Variants in MEST observed in about 807,000 individuals in gnomAD.
MEST encodes the protein mesoderm-specific transcript homolog protein.
Under a neutral mutation model 50.9 loss-of-function variants are expected in MEST, and 18 were observed. The ratio of observed to expected loss-of-function variants is 0.35; its 90% CI spans 0.24 to 0.52. MEST has a LOEUF of 0.52. Among genes scored for constraint, MEST ranks in the 20% least tolerant of loss-of-function variants. The probability of loss-of-function intolerance (pLI) is 0.94; values close to 1 mark genes in which losing one functional copy is unlikely to be tolerated. For missense variants in MEST, 282 were observed against 425.3 expected, an observed-to-expected ratio of 0.66 and a Z score of 2.96; for synonymous variants, 130 against 154.1, an observed-to-expected ratio of 0.84 and a Z score of 1.16.
Position 130,503,113 on chromosome 7 carries a change from A to G in MEST, c.826+393A>G, listed in dbSNP as rs555584685. Among the ~76,000 whole-genome samples the G allele has an allele frequency of 1.5e-4, 23 of 152,352 alleles. No individual in the cohort carries two copies. The East Asian group carries it at 4.2e-3, about 28-fold the overall frequency. ...GCATTGTCAGTGACTGCCACATTAC[A>G]TGCTGAATTGCTCGGACAGAAGGCT... On this transcript the variant is annotated intron_variant, in intron 10 of 11. Transcript: ENST00000223215.
Position 130,486,662 on chromosome 7 carries a change from A to G in MEST, c.-2+267A>G, listed in dbSNP as rs73154711. ...AGAGCCTCGGTCGTCGCCTCCCAGC[A>G]CCTCGGGGTCGTAGAGAACACAAAA... On this transcript the variant is annotated intron_variant, in intron 1 of 11. Transcript: ENST00000341441. The G allele has an allele frequency of 6.9e-3, 1,045 of 152,020 alleles. 3 individuals carry two copies. Among genetic ancestry groups the G allele is most frequent in the Non-Finnish European group, 0.011 (732 of 67,982 alleles). 9.4% of individuals were successfully genotyped at this position (152,020 alleles called of 1,614,324 possible).
chr7:130,496,167 C>T (rs1799052155), intron 2 of MEST: 1 of 466,448 alleles, frequency 2.1e-6, no homozygotes, highest in African/African-American at 2.0e-5. Context: ...AACCGTTTTT[C>T]ATTATTGCTC....
intron 2 of MEST, chr7:130,496,418 G>A (rs782738163): frequency 9.7e-6 from 3 of 310,042 alleles, no homozygotes; most frequent in African/African-American, 7.0e-5. Flanking sequence ...ATTTTTAACT[G>A]CTTCTAAATT....
chr7:130,503,008 ATGTG>A (rs1230211923), intron 10 of MEST, among the ~76,000 whole-genome samples: 2 of 152,078 alleles, frequency 1.3e-5, no homozygotes, highest in African/African-American at 2.4e-5. Context: ...TGGAACAGTG[ATGTG>A]TGTGTGTAGA....
chr7:130,488,728 A>G (rs1237743650), upstream of MEST: 7 of 152,220 alleles, frequency 4.6e-5, no homozygotes, highest in African/African-American at 1.7e-4. Flanking sequence ...TCAGTTTGCA[A>G]TTCATTTAGT....
intron 11 of MEST, 120 bp downstream of exon 11, chr7:130,504,116 T>A (rs1799382348): frequency 4.2e-6 from 3 of 709,622 alleles, no homozygotes; most frequent in Non-Finnish European, 7.4e-6. Context: ...TGGCTGTTCA[T>A]CCAGGAAACA....
Position 130,495,446 on chromosome 7 carries a change from G to C in MEST, c.105G>C (p.Gln35His). The C allele has an allele frequency of 6.2e-7, 1 of 1,614,068 alleles. No homozygotes were observed. Among genetic ancestry groups the C allele is most frequent in the Non-Finnish European group, 8.5e-7 (1 of 1,179,990 alleles). ...CGTACCTGCACATCCCACCCCCTCA[G>C]CTCTCCCCTGCCCTTCACTCATGGA... is the stretch of plus-strand genomic sequence containing the variant. ...LAAYLHIPPP[Q>H]LSPALHSWKS... The change falls in exon 2 of 12, where the codon CAG becomes CAC. Residue 35 changes from glutamine (Q) to histidine (H), a missense_variant. Transcript: ENST00000223215.
At chr7:130,491,452 G>A (rs1003999381), upstream of MEST, 3 of 152,342 alleles carry the variant, frequency 2.0e-5, no homozygotes, top group African/African-American at 7.2e-5. This position sits in a 1 kb window ranked among gnomAD's most constrained non-coding sequence, Gnocchi z 6.8. Context: ...TTTGGCCATA[G>A]TGGCCATCCC....
chr7:130,499,238 T>G (rs1436154965), intron 6 of MEST, among the ~76,000 whole-genome samples: 3 of 152,214 alleles, frequency 2.0e-5, no homozygotes, highest in African/African-American at 7.2e-5. Context: ...AATATCCAAA[T>G]GTCTCCTGAA....
rs782816719 is a variant in MEST, at chr7:130,506,318, TC to T, written c.*1269del. On this transcript the variant is annotated 3_prime_UTR_variant, in exon 12 of 12. Coordinates refer to ENST00000223215, the MANE Select transcript of MEST (RefSeq NM_002402.4). ...GTGGACTCTGGCTTCCCCTCCCCCC[TC>T]CCCCCCACCCCTCTGGGATAAAAAT... The T allele has an allele frequency of 7.6e-5, 2 of 26,316 alleles. No individual in the cohort carries two copies. Among genetic ancestry groups the T allele is most frequent in the Admixed American group, 2.6e-4 (1 of 3,890 alleles). The allele number at this position is 26,316 out of a possible 1,614,324, so 1.6% of individuals were successfully genotyped here.
chr7:130,493,456 GT>G (rs1406996970), intron 1 of MEST, among the ~76,000 whole-genome samples: 3 of 152,152 alleles, frequency 2.0e-5, no homozygotes, highest in African/African-American at 7.2e-5. Context: ...TGACGGCTAG[GT>G]TGCTTCACTT....
rs1799240813 is a variant in MEST, at chr7:130,500,631, CAA to C, written c.647+101_647+102del. 4.4e-6 allele frequency: 6 copies of C among 1,356,100 alleles called. No homozygotes were observed. The highest frequency in any genetic ancestry group is 1.4e-5 in the African/African-American group (1 of 69,364). 84.0% of individuals were successfully genotyped at this position (1,356,100 alleles called of 1,614,324 possible). On this transcript the variant is annotated intron_variant, in intron 8 of 11. Transcript: ENST00000223215. The surrounding 1 kb of genome is among the most constrained non-coding windows in gnomAD (Gnocchi z 5.0). ...AATCCTAAGGCTTGATATTTTAAAG[CAA>C]AGGTGTTGGCCGCTTGCCAGGGAAG... is the stretch of plus-strand genomic sequence containing the variant.
chr7:130,492,281 A>G lies in MEST; in HGVS notation c.-33A>G, dbSNP rs1554435527. 6 of 1,348,818 alleles carry G rather than the reference A, an allele frequency of 4.4e-6. No individual in the cohort carries two copies. The highest frequency in any genetic ancestry group is 3.0e-5 in the East Asian group (1 of 33,082). The allele number at this position is 1,348,818 out of a possible 1,614,324, so 83.6% of individuals were successfully genotyped here. ...GCTCTGCGGCGCCCGGTGCTCTGCA[A>G]CGCTGCGGCGGGCGGCATGGGATAA... On this transcript the variant is annotated 5_prime_UTR_variant, in exon 1 of 12. Transcript: ENST00000223215. The surrounding 1 kb of genome is among the most constrained non-coding windows in gnomAD (Gnocchi z 7.6).
intron 9 of MEST, among the ~76,000 whole-genome samples, chr7:130,502,195 G>A (rs1263502886): frequency 3.3e-5 from 5 of 152,096 alleles, no homozygotes; most frequent in African/African-American, 1.2e-4. Context: ...ACTAGCCACT[G>A]CACTCCAGCC....
intron 9 of MEST, among the ~76,000 whole-genome samples, chr7:130,501,723 C>T (rs552363041): frequency 5.3e-5 from 8 of 152,174 alleles, no homozygotes; most frequent in African/African-American, 1.2e-4. Flanking sequence ...AAGTAGATGT[C>T]GGCTGGGCAC....
At chr7:130,496,594 A>T (rs1236498607) in intron 2 of MEST, 3 of 174,700 alleles carry the variant, frequency 1.7e-5, no homozygotes, top group African/African-American at 2.4e-5. Flanking sequence ...GTTCATGTTT[A>T]TGTTGATTAA....
Position 130,500,625 on chromosome 7 carries a change from T to G in MEST, c.647+93T>G. On this transcript the variant is annotated intron_variant, in intron 8 of 11. Transcript: ENST00000223215. This position sits in a 1 kb window ranked among gnomAD's most constrained non-coding sequence, Gnocchi z 5.0. Reference sequence around the variant, plus strand: ...GGGCCAAATCCTAAGGCTTGATATTTTAAAGCAAAGGTGTTGGCCGCTTGC... The same window carrying G: ...GGGCCAAATCCTAAGGCTTGATATTGTAAAGCAAAGGTGTTGGCCGCTTGC... 7.2e-7 allele frequency: 1 copy of G among 1,385,682 alleles called. No individual in the cohort carries two copies. 85.8% of individuals were successfully genotyped at this position (1,385,682 alleles called of 1,614,324 possible).
At chr7:130,486,723 CAG>C in intron 1 of MEST, 1 of 152,244 alleles carries the variant, frequency 6.6e-6, no homozygotes. Context: ...ACCCCCGCGA[CAG>C]AGTTTAGTCA....
chr7:130,495,146 T>C (rs1798993891), intron 1 of MEST, among the ~76,000 whole-genome samples: 1 of 152,098 alleles, frequency 6.6e-6, no homozygotes, highest in Non-Finnish European at 1.5e-5. Context: ...GTTGAAATAA[T>C]GTATTTTTTT....
Sources: gnomAD v4.1 joint callset for allele counts (sites outside exome capture counted in the v4.1 genomes callset) on GRCh38, gnomAD v4.1.1 for gene constraint, Gnocchi (gnomAD v3.1) non-coding constraint, MANE v1.5 for transcripts, NCBI Gene and HGNC (gene_info 2026-07-23, HGNC 2026-07-21) for gene names.